Variants in MOK observed in about 807,000 individuals in gnomAD.
MOK encodes MAPK/MAK/MRK overlapping kinase.
A neutral mutation model predicts 54.2 loss-of-function variants in MOK; 59 were observed. The ratio of observed to expected loss-of-function variants is 1.09; its 90% CI spans 0.88 to 1.35. MOK has a LOEUF of 1.35. Among genes scored for constraint, MOK ranks in the 40% most tolerant of loss-of-function variants. The pLI, the probability that MOK is intolerant of heterozygous loss-of-function variation, is 0.00. For missense variants in MOK, 517 were observed against 526.2 expected, an observed-to-expected ratio of 0.98 and a Z score of 0.17; for synonymous variants, 210 against 202.7, an observed-to-expected ratio of 1.04 and a Z score of -0.31.
intron 7 of MOK, among the ~76,000 whole-genome samples, chr14:102,239,784 ACTTGAAC>A (rs1430053115): frequency 6.6e-6 from 1 of 152,092 alleles, no homozygotes; most frequent in African/African-American, 2.4e-5. Flanking sequence ...CAGGAGAATC[ACTTGAAC>A]CTGGGAGGCA....
chr14:102,260,095 G>A (rs2153124990), intron 4 of MOK, among the ~76,000 whole-genome samples: 1 of 151,650 alleles, frequency 6.6e-6, no homozygotes, highest in East Asian at 1.9e-4. Context: ...AGAATCGCTT[G>A]AACCCGGGAG....
chr14:102,269,819 A>C (rs370771086), intron 2 of MOK, among the ~76,000 whole-genome samples: 6 of 152,332 alleles, frequency 3.9e-5, no homozygotes, highest in African/African-American at 1.4e-4. Context: ...TGACAATACT[A>C]AAGAAAGAGA....
chr14:102,273,962 T>G (rs2068613313), intron 2 of MOK, among the ~76,000 whole-genome samples: 1 of 151,916 alleles, frequency 6.6e-6, no homozygotes, highest in Non-Finnish European at 1.5e-5. Context: ...TTTTTTGTTT[T>G]GTTTTTCTTT....
At chr14:102,285,667 G>A (rs991584833) in intron 1 of MOK, among the ~76,000 whole-genome samples, 68 of 152,186 alleles carry the variant, frequency 4.5e-4, no homozygotes, top group Middle Eastern at 6.8e-3. Flanking sequence ...CCAGGTCGGT[G>A]GATCACTTGA....
chr14:102,251,960 G>A lies in MOK; in HGVS notation c.319C>T (p.His107Tyr), dbSNP rs146870455. The change falls in exon 5 of 12, where the codon CAC becomes TAC. Residue 107 changes from histidine to tyrosine, a missense_variant. Physicochemically the swap from His to Tyr is moderately conservative, Grantham distance 83. Transcript: ENST00000361847. The stretch of plus-strand genomic sequence containing the variant: ...GACTTACATAACTGGTACATATAGT[G>A]CATAATTTTTTTTTCTGATAATGGG... ...RYPLSEKKIM[H>Y]YMYQLCKSLD... The A allele has an allele frequency of 2.2e-4, 346 of 1,606,856 alleles. No individual in the cohort carries two copies. The highest frequency in any genetic ancestry group is 2.7e-4 in the Non-Finnish European group (318 of 1,174,486).
chr14:102,237,523 C>T (rs2065331212), intron 7 of MOK, among the ~76,000 whole-genome samples: 1 of 152,168 alleles, frequency 6.6e-6, no homozygotes, highest in Admixed American at 6.5e-5. Context: ...CAACTTTGCC[C>T]TCCTAGCTCA....
At chr14:102,277,841 T>C (rs1224846977) in intron 2 of MOK, among the ~76,000 whole-genome samples, 1 of 152,176 alleles carries the variant, frequency 6.6e-6, no homozygotes, top group African/African-American at 2.4e-5. Flanking sequence ...AGATAAACAA[T>C]GTGCACTTCA....
intron 4 of MOK, among the ~76,000 whole-genome samples, chr14:102,257,532 A>G (rs1276990718): frequency 6.6e-6 from 1 of 152,204 alleles, no homozygotes; most frequent in East Asian, 1.9e-4. Flanking sequence ...TGCAACTAAA[A>G]GGGAGAACCA....
chr14:102,252,936 A>G (rs541891470), intron 4 of MOK, among the ~76,000 whole-genome samples: 1 of 152,340 alleles, frequency 6.6e-6, no homozygotes, highest in South Asian at 2.1e-4. Flanking sequence ...TTTGTGGTTG[A>G]AATATCTTAT....
At chr14:102,296,762 AT>A (rs2071464544) in intron 1 of MOK, among the ~76,000 whole-genome samples, 2 of 152,140 alleles carry the variant, frequency 1.3e-5, no homozygotes, top group Non-Finnish European at 2.9e-5. Flanking sequence ...CTCTAAAAAA[AT>A]AATAATAATA....
rs777365554 is a variant in MOK at position 102,251,814 on chromosome 14, G to A, written c.363-10C>T. The A allele has an allele frequency of 1.3e-6, 2 of 1,560,180 alleles. No homozygotes were observed. Among genetic ancestry groups the A allele is most frequent in the Non-Finnish European group, 1.8e-6 (2 of 1,134,124 alleles). Reference sequence around the variant, plus strand: ...GTGAAATATTCCATTTCTGCATTCAGTATAAAGGAAAAATAGAATTACACT... The same window carrying A: ...GTGAAATATTCCATTTCTGCATTCAATATAAAGGAAAAATAGAATTACACT... On this transcript the variant is annotated splice_polypyrimidine_tract_variant and intron_variant, in intron 5 of 11. Coordinates refer to ENST00000361847, the MANE Select transcript of MOK (RefSeq NM_014226.3).
downstream of MOK, chr14:102,226,242 T>G (rs537097847): frequency 5.0e-4 from 330 of 658,530 alleles, 1 homozygote; most frequent in African/African-American, 2.0e-3. This position sits in a 1 kb window ranked among gnomAD's most constrained non-coding sequence, Gnocchi z 4.8. Flanking sequence ...GCCCGGTGTC[T>G]TCTTTAAGGT....
At chr14:102,289,466 C>T (rs553565703) in intron 1 of MOK, among the ~76,000 whole-genome samples, 22 of 151,964 alleles carry the variant, frequency 1.4e-4, no homozygotes, top group Admixed American at 9.9e-4. Flanking sequence ...CTCCTGCTCT[C>T]GGGTTTTCCT....
chr14:102,218,206 C>G, the MOK span, among the ~76,000 whole-genome samples: 1 of 152,374 alleles, frequency 6.6e-6, no homozygotes, highest in South Asian at 2.1e-4. Flanking sequence ...AAAGGGTGAC[C>G]TTGGGGGTTG....
chr14:102,245,553 CT>C lies in MOK; in HGVS notation c.590+5258del, dbSNP rs1434927581. Among the ~76,000 whole-genome samples the C allele has an allele frequency of 6.6e-6, 1 of 152,080 alleles. No homozygotes were observed. Among genetic ancestry groups the C allele is most frequent in the Non-Finnish European group, 1.5e-5 (1 of 68,014 alleles). On this transcript the variant is annotated intron_variant, in intron 7 of 11. Coordinates refer to ENST00000361847, the MANE Select transcript of MOK (RefSeq NM_014226.3). This position sits in a 1 kb window ranked among gnomAD's most constrained non-coding sequence, Gnocchi z 4.3. ...TCTCAGAAGCTCCCCAACTGAGCAC[CT>C]TGTGACCCCCTCCGCCTGCCCCTGC...
rs1412576607 is a variant in MOK at position 102,233,711 on chromosome 14, C to T, written c.669G>A (p.Gln223=). The T allele has an allele frequency of 1.2e-6, 2 of 1,613,720 alleles. No homozygotes were observed. Among genetic ancestry groups the T allele is most frequent in the African/African-American group, 2.7e-5 (2 of 74,936 alleles). The part of the protein sequence containing the change: ...KIHDVIGTPA[Q]KILTKFKQSR... ...ACTGTTTGAACTTGGTGAGGATCTT[C>T]TGAGCGGGTGTGCCGATGACATCGT... is the stretch of plus-strand genomic sequence containing the variant. The change falls in exon 8 of 12, where the codon CAG becomes CAA. Residue 223 remains glutamine, a synonymous_variant. Coordinates refer to ENST00000361847, the MANE Select transcript of MOK (RefSeq NM_014226.3).
In MOK at chr14:102,261,454, T is replaced by A. The variant is rs1597417315; in HGVS notation, c.283+2092A>T. On this transcript the variant is annotated intron_variant, in intron 4 of 11. Coordinates refer to ENST00000361847, the MANE Select transcript of MOK (RefSeq NM_014226.3). ...ATATATATATATATATATATATATATATATTCTAAACAAAGCTTTCTCAAG... is the reference window on the plus strand; with the variant it reads ...ATATATATATATATATATATATATAAATATTCTAAACAAAGCTTTCTCAAG... 3.8e-5 allele frequency among the ~76,000 whole-genome samples: 4 copies of A among 105,370 alleles called. 1 individual carries two copies. Among genetic ancestry groups the A allele is most frequent in the Admixed American group, 2.6e-4 (2 of 7,550 alleles). The allele number at this position is 105,370 out of a possible 152,430, so 69.1% of individuals were successfully genotyped here. A position where few individuals can be genotyped will look rare whatever the true frequency, so the allele number is the denominator to read the frequency against.
At chr14:102,257,263 G>A (rs566861140) in intron 4 of MOK, among the ~76,000 whole-genome samples, 10 of 152,138 alleles carry the variant, frequency 6.6e-5, no homozygotes, top group East Asian at 5.8e-4. Flanking sequence ...CTATTCTGAC[G>A]GCATGGATCA....
chr14:102,252,882 T>C (rs1479944646), intron 4 of MOK, among the ~76,000 whole-genome samples: 1 of 152,130 alleles, frequency 6.6e-6, no homozygotes, highest in Non-Finnish European at 1.5e-5. Context: ...AGAGGGGAAA[T>C]ATGACATAGG....
Sources: gnomAD v4.1 joint callset for allele counts (sites outside exome capture counted in the v4.1 genomes callset) on GRCh38, gnomAD v4.1.1 for gene constraint, Gnocchi (gnomAD v3.1) non-coding constraint, MANE v1.5 for transcripts, NCBI Gene and HGNC (gene_info 2026-07-23, HGNC 2026-07-21) for gene names.